Variants in EGFL7 observed in about 807,000 individuals in gnomAD.
The protein encoded by EGFL7 is epidermal growth factor-like protein 7.
In EGFL7, 48 loss-of-function variants were observed where a neutral mutation model predicts 37.1. That is an observed-to-expected ratio of 1.29 (90% CI 1.03 to 1.65). EGFL7 has a LOEUF of 1.65. Among genes scored for constraint, EGFL7 ranks in the 40% most tolerant of loss-of-function variants. The pLI, the probability that EGFL7 is intolerant of heterozygous loss-of-function variation, is 0.00. For missense variants in EGFL7, 384 were observed against 378.9 expected (o/e 1.01, Z -0.11); for synonymous variants, 180 against 156.8 (o/e 1.15, Z -1.10).
At chr9:136,667,160 A>G (rs988913118) in intron 3 of EGFL7, among the ~76,000 whole-genome samples, 3 of 152,186 alleles carry the variant, frequency 2.0e-5, no homozygotes, top group African/African-American at 7.2e-5. Context: ...GACTATTTAT[A>G]GGACTGGCTG....
rs1845514566 is a variant in EGFL7 at position 136,666,891 on chromosome 9, G to A, written c.-42-1350G>A. 6.6e-6 allele frequency among the ~76,000 whole-genome samples: 1 copy of A among 151,890 alleles called. No homozygotes were observed. Among genetic ancestry groups the A allele is most frequent in the Admixed American group, 6.6e-5 (1 of 15,266 alleles). On this transcript the variant is annotated intron_variant, in intron 3 of 10. Coordinates refer to ENST00000308874, the MANE Select transcript of EGFL7 (RefSeq NM_016215.5). The surrounding 1 kb of genome is among the most constrained non-coding windows in gnomAD (Gnocchi z 6.8). ...AGCTCTGCCCCCTCGACAAACTCCT[G>A]CCCAAAAACTGCTGTGATGCCCCCC...
At chr9:136,671,812 C>G (rs902035561) in intron 9 of EGFL7, 114 bp from the exon 10 acceptor site, 9 of 1,347,452 alleles carry the variant, frequency 6.7e-6, no homozygotes, top group Non-Finnish European at 4.9e-6. Context: ...GGAGCCCTGC[C>G]GCGGAGGCGG....
chr9:136,671,574 AGAC>A (rs1273651392), intron 9 of EGFL7, among the ~76,000 whole-genome samples: 2 of 147,086 alleles, frequency 1.4e-5, no homozygotes, highest in African/African-American at 2.5e-5. Flanking sequence ...ACAGCCCCCC[AGAC>A]AATACACAGA....
chr9:136,663,821 G>A (rs936157176), intron 2 of EGFL7, among the ~76,000 whole-genome samples, 198 bp downstream of exon 2: 2 of 152,130 alleles, frequency 1.3e-5, no homozygotes, highest in Non-Finnish European at 2.9e-5. Flanking sequence ...TGTCTCATAC[G>A]TCCACACCAA....
At chr9:136,668,078 G>A (rs1279739865) in intron 3 of EGFL7, among the ~76,000 whole-genome samples, 163 bp from the exon 4 acceptor site, 1 of 152,244 alleles carries the variant, frequency 6.6e-6, no homozygotes, top group Admixed American at 6.5e-5. Context: ...CTAGCTGGAA[G>A]AGGGGGCCAG....
At chr9:136,667,471 T>C (rs1427741748) in intron 3 of EGFL7, among the ~76,000 whole-genome samples, 1 of 152,182 alleles carries the variant, frequency 6.6e-6, no homozygotes, top group Non-Finnish European at 1.5e-5. Flanking sequence ...TCTCATGCTC[T>C]CAGGAAGCCT....
chr9:136,669,886 G>A (rs1002822631), intron 6 of EGFL7, 28 bp from the exon 7 acceptor site: 3 of 1,554,742 alleles, frequency 1.9e-6, no homozygotes, highest in Non-Finnish European at 2.6e-6. Context: ...ACCCAACTGA[G>A]CTGGTGACCA....
chr9:136,671,059 G>T, intron 9 of EGFL7, 45 bp downstream of exon 9: 1 of 1,323,968 alleles, frequency 7.6e-7, no homozygotes. Flanking sequence ...GTCCAGGGTG[G>T]ACCTGCTGGA....
At chr9:136,671,388 T>C (rs1044696100) in intron 9 of EGFL7, among the ~76,000 whole-genome samples, 2 of 151,872 alleles carry the variant, frequency 1.3e-5, no homozygotes, top group Non-Finnish European at 2.9e-5. Context: ...GGCTCCGTAG[T>C]CTCCTGGGAC....
chr9:136,660,184 G>A (rs1284318177), upstream of EGFL7: 1 of 152,290 alleles, frequency 6.6e-6, no homozygotes, highest in Non-Finnish European at 1.5e-5. Context: ...CCAGAACCCG[G>A]GGGCAGCCCC....
intron 5 of EGFL7, 76 bp from the exon 6 acceptor site, chr9:136,669,530 G>A: frequency 9.1e-7 from 1 of 1,101,688 alleles, no homozygotes; most frequent in Admixed American, 2.0e-5. Context: ...TGCACTCTGA[G>A]AGGGGACTCT....
intron 8 of EGFL7, chr9:136,670,703 G>C (rs376041764): frequency 1.3e-6 from 1 of 770,324 alleles, no homozygotes; most frequent in South Asian, 1.4e-5. Flanking sequence ...CGAAAACGCC[G>C]CTGAGACCTC....
intron 5 of EGFL7, 49 bp downstream of exon 5, chr9:136,668,722 G>C (rs755508641): frequency 2.0e-6 from 3 of 1,481,376 alleles, no homozygotes; most frequent in Non-Finnish European, 2.8e-6. Flanking sequence ...CTCCCAAGTC[G>C]GCCACACATC....
rs1203169702 is a variant in EGFL7, at chr9:136,671,989, C to T, written c.700C>T (p.Pro234Ser). 6.5e-7 allele frequency: 1 copy of T among 1,542,644 alleles called. No individual in the cohort carries two copies. Among genetic ancestry groups the T allele is most frequent in the Non-Finnish European group, 8.7e-7 (1 of 1,146,612 alleles). ...LASQALEHGL[P>S]DPGSLLVHSF... The stretch of plus-strand genomic sequence containing the variant: ...CTCGCAGGCACTGGAGCATGGGCTC[C>T]CGGACCCCGGCAGCCTCCTGGTGCA... Residue 234 changes from proline (P) to serine (S), a missense_variant, in exon 10 of 11, where the codon CCG becomes TCG. Pro to Ser is a moderately conservative substitution (Grantham distance 74). Transcript: ENST00000308874.
At position 136,669,667 on chromosome 9, in the gene EGFL7, G is replaced by A. The variant is rs780712884; in HGVS notation, c.259G>A (p.Ala87Thr). 2.9e-5 allele frequency: 47 copies of A among 1,609,928 alleles called. No individual in the cohort carries two copies. Among genetic ancestry groups the A allele is most frequent in the East Asian group, 8.9e-5 (4 of 44,812 alleles). Residue 87 changes from alanine to threonine, a missense_variant, in exon 6 of 11, where the codon GCG becomes ACG. Coordinates refer to ENST00000308874, the MANE Select transcript of EGFL7 (RefSeq NM_016215.5). ...GCTGGCCCCTGCCAGGCCTCGCTAC[G>A]CGTGCTGCCCCGGCTGGAAGAGGAC... ...PGLAPARPRYACCPGWKRTSG... is the reference protein window; with the variant it reads ...PGLAPARPRYTCCPGWKRTSG...
Position 136,668,566 on chromosome 9 carries a change from G to T in EGFL7, c.90G>T (p.Val30=). Residue 30 remains valine, a synonymous_variant, in exon 5 of 11, where the codon GTG becomes GTT. Coordinates refer to ENST00000308874, the MANE Select transcript of EGFL7 (RefSeq NM_016215.5). ...CTCTCCACCCCCGCAGCCGTAGGGT[G>T]TGTGCTGTCCGGGCTCACGGGGACC... ...TEHAYRPGRR[V]CAVRAHGDPV... The T allele has an allele frequency of 6.2e-7, 1 of 1,609,106 alleles. No individual in the cohort carries two copies. The highest frequency in any genetic ancestry group is 1.3e-5 in the African/African-American group (1 of 75,026).
At chr9:136,672,169 G>A (rs528056008) in intron 10 of EGFL7, 81 bp downstream of exon 10, 36 of 1,597,070 alleles carry the variant, frequency 2.3e-5, no homozygotes, top group Middle Eastern at 3.3e-4. Flanking sequence ...CTTGGGGGTC[G>A]GGGGCGACCA....
intron 9 of EGFL7, among the ~76,000 whole-genome samples, chr9:136,671,467 G>A (rs921991901): frequency 4.6e-5 from 7 of 152,072 alleles, no homozygotes; most frequent in Non-Finnish European, 7.4e-5. Context: ...TGGCTTCCTC[G>A]CTGCTGACTG....
At chr9:136,658,956 CGGG>C (rs1186897383), upstream of EGFL7, 3 of 152,002 alleles carry the variant, frequency 2.0e-5, no homozygotes, top group African/African-American at 7.2e-5. Flanking sequence ...GGAAGGGAGA[CGGG>C]AGCGGCCAGG....
Sources: allele counts gnomAD v4.1 joint callset (sites outside exome capture counted in the v4.1 genomes callset), GRCh38; gene constraint gnomAD v4.1.1; non-coding constraint Gnocchi (gnomAD v3.1); transcripts MANE v1.5; gene names NCBI Gene and HGNC (gene_info 2026-07-23, HGNC 2026-07-21).